IQSEC1: variants seen among roughly 807,000 people sequenced by gnomAD.
IQSEC1 encodes the protein IQ motif and Sec7 domain ArfGEF 1.
Under a neutral mutation model 91.0 loss-of-function variants are expected in IQSEC1, and 31 were observed. That is an observed-to-expected ratio of 0.34 (90% CI 0.26 to 0.46). The LOEUF (loss-of-function observed/expected upper bound fraction) is 0.46, where lower values mean the gene tolerates loss of function less well. IQSEC1 is among the 20% of genes least tolerant of loss of function. IQSEC1 has a pLI of 1.00. For missense variants in IQSEC1, 1,388 were observed against 1,575.6 expected, an observed-to-expected ratio of 0.88 and a Z score of 2.02; for synonymous variants, 699 against 662.6, an observed-to-expected ratio of 1.05 and a Z score of -0.84.
Position 12,935,788 on chromosome 3 carries a change from T to C in IQSEC1, c.1228A>G (p.Ser410Gly), listed in dbSNP as rs776342464. ...QQGSPKHGPHSGAPKSLPREE... is the reference protein window; with the variant it reads ...QQGSPKHGPHGGAPKSLPREE... ...CGGGGGAGGCTCTTGGGGGCGCCGCTGTGGGGACCATGCTTGGGACTGCCC... is the reference window on the plus strand; with the variant it reads ...CGGGGGAGGCTCTTGGGGGCGCCGCCGTGGGGACCATGCTTGGGACTGCCC... Residue 410 changes from serine (S) to glycine (G), a missense_variant, in exon 3 of 14, where the codon AGC becomes GGC. Coordinates refer to ENST00000613206, the MANE Select transcript of IQSEC1 (RefSeq NM_001134382.3). The surrounding 1 kb of genome is among the most constrained non-coding windows in gnomAD (Gnocchi z 8.0). 6.2e-7 allele frequency: 1 copy of C among 1,607,494 alleles called. No homozygotes were observed. Among genetic ancestry groups the C allele is most frequent in the Non-Finnish European group, 8.5e-7 (1 of 1,179,792 alleles).
At position 13,206,071 on chromosome 3, in the gene IQSEC1, A is replaced by G. The variant is rs553002558; in HGVS notation, c.273-41938T>C. 3.7e-4 allele frequency among the ~76,000 whole-genome samples: 50 copies of G among 135,284 alleles called. 1 individual carries two copies. Among genetic ancestry groups the G allele is most frequent in the African/African-American group, 1.3e-3 (47 of 34,870 alleles). The allele number at this position is 135,284 out of a possible 152,430, so 88.8% of individuals were successfully genotyped here. On this transcript the variant is annotated intron_variant, in intron 1 of 15. Transcript: ENST00000648114. The stretch of plus-strand genomic sequence containing the variant: ...CATCCATCACTCCTCCCACCCATCT[A>G]TCTCTCCATCCGGTCAACCATTCCT...
chr3:12,899,896 C>T lies in IQSEC1; in HGVS notation c.*1087G>A, dbSNP rs1694055492. ...GTCACTTTCATGTTGGAGATGAACACTTCTGCCGTGTATGGGTGCCCCTCT... is the reference window on the plus strand; with the variant it reads ...GTCACTTTCATGTTGGAGATGAACATTTCTGCCGTGTATGGGTGCCCCTCT... On this transcript the variant is annotated 3_prime_UTR_variant, in exon 14 of 14. Transcript: ENST00000613206. The T allele has an allele frequency of 1.0e-6, 1 of 985,100 alleles. No homozygotes were observed. Among genetic ancestry groups the T allele is most frequent in the Non-Finnish European group, 1.2e-6 (1 of 829,858 alleles). 61.0% of individuals were successfully genotyped at this position (985,100 alleles called of 1,614,324 possible).
At chr3:13,014,202 C>A (rs909281743) in intron 1 of IQSEC1, among the ~76,000 whole-genome samples, 2 of 152,222 alleles carry the variant, frequency 1.3e-5, no homozygotes, top group African/African-American at 4.8e-5. Flanking sequence ...CCTCCCCTAA[C>A]CAGCCTGAGG....
At chr3:13,019,679 A>C (rs1174337507) in intron 1 of IQSEC1, among the ~76,000 whole-genome samples, 1 of 152,066 alleles carries the variant, frequency 6.6e-6, no homozygotes, top group East Asian at 1.9e-4. Context: ...TCCCCAGTTA[A>C]CCACAGGGGC....
At chr3:13,220,179 G>A (rs752327155) in intron 1 of IQSEC1, among the ~76,000 whole-genome samples, 8 of 152,366 alleles carry the variant, frequency 5.3e-5, no homozygotes, top group East Asian at 1.9e-4. Flanking sequence ...TCCTGGGGCC[G>A]GCAGTGGCCG....
rs778434892 is a variant in IQSEC1, at chr3:13,022,366, C to T, written c.23+50626G>A. On this transcript the variant is annotated intron_variant, in intron 1 of 13. Transcript: ENST00000613206. ...GTCCTGTCTAGCTGCTCCAGACCCT[C>T]CTGGCCAAGCGGCCCTCACACACTA... The T allele has an allele frequency of 8.6e-6, 10 of 1,161,908 alleles. No homozygotes were observed. In the South Asian group the frequency reaches 3.1e-4, roughly 36 times the overall value. The allele number at this position is 1,161,908 out of a possible 1,614,324, so 72.0% of individuals were successfully genotyped here.
At chr3:13,038,657 A>T (rs1205783921) in intron 1 of IQSEC1, among the ~76,000 whole-genome samples, 1 of 152,100 alleles carries the variant, frequency 6.6e-6, no homozygotes, top group South Asian at 2.1e-4. Context: ...AAAGAGTATA[A>T]TTGGATTATT....
At chr3:12,910,722 GGC>G (rs1330871397) in intron 10 of IQSEC1, among the ~76,000 whole-genome samples, 1 of 152,244 alleles carries the variant, frequency 6.6e-6, no homozygotes, top group Non-Finnish European at 1.5e-5. Flanking sequence ...CCCAGATCCA[GGC>G]GCAAGGCCTG....
At chr3:13,011,816 G>T (rs191761349) in intron 1 of IQSEC1, among the ~76,000 whole-genome samples, 113 of 152,324 alleles carry the variant, frequency 7.4e-4, no homozygotes, top group Non-Finnish European at 4.4e-5. Context: ...TTCAACACAT[G>T]ATTGTTTTGA....
chr3:12,931,563 G>A (rs558560355), intron 3 of IQSEC1, among the ~76,000 whole-genome samples: 1 of 152,238 alleles, frequency 6.6e-6, no homozygotes, highest in African/African-American at 2.4e-5. Flanking sequence ...TTTTATCAAT[G>A]ACAGCAGACA....
At chr3:13,278,848 G>A (rs1003203323) in intron 1 of IQSEC1, among the ~76,000 whole-genome samples, 1 of 152,080 alleles carries the variant, frequency 6.6e-6, no homozygotes, top group Non-Finnish European at 1.5e-5. Flanking sequence ...GGGGGACAGG[G>A]AAGAGCAGGG....
intron 4 of IQSEC1, among the ~76,000 whole-genome samples, chr3:12,923,777 C>T (rs1696853452): frequency 6.6e-6 from 1 of 152,244 alleles, no homozygotes; most frequent in Non-Finnish European, 1.5e-5. Flanking sequence ...GGCACCTTCT[C>T]CCCAGCCCTC....
intron 1 of IQSEC1, among the ~76,000 whole-genome samples, chr3:13,264,942 GTGTCTC>G (rs1695462211): frequency 6.6e-6 from 1 of 151,636 alleles, no homozygotes; most frequent in Non-Finnish European, 1.5e-5. Flanking sequence ...CTGTCTCTCT[GTGTCTC>G]TCTGTCTGTC....
intron 1 of IQSEC1, among the ~76,000 whole-genome samples, chr3:13,011,857 T>C (rs983182380): frequency 6.6e-6 from 1 of 152,212 alleles, no homozygotes; most frequent in African/African-American, 2.4e-5. Context: ...ATCCCTGCCA[T>C]GGGTAACATC....
intron 2 of IQSEC1, among the ~76,000 whole-genome samples, chr3:13,090,924 A>C (rs913436431): frequency 6.6e-6 from 1 of 152,146 alleles, no homozygotes; most frequent in Non-Finnish European, 1.5e-5. Flanking sequence ...CCCTGTGCGG[A>C]ATTTGAACCC....
At chr3:12,907,140 G>A (rs1157017753) in intron 12 of IQSEC1, among the ~76,000 whole-genome samples, 7 of 152,222 alleles carry the variant, frequency 4.6e-5, no homozygotes, top group African/African-American at 1.4e-4. Flanking sequence ...CAATCAAGCC[G>A]AGGTTGAGAA....
At chr3:13,155,673 A>G (rs1000132901) in intron 2 of IQSEC1, among the ~76,000 whole-genome samples, 1 of 152,210 alleles carries the variant, frequency 6.6e-6, no homozygotes, top group Non-Finnish European at 1.5e-5. Context: ...ATTACAAGAA[A>G]ACAACACACT....
Position 12,899,369 on chromosome 3 carries a change from G to GA in IQSEC1, c.*1613_*1614insT. 6.2e-7 allele frequency: 1 copy of GA among 1,612,200 alleles called. No homozygotes were observed. The highest frequency in any genetic ancestry group is 8.5e-7 in the Non-Finnish European group (1 of 1,179,342). On this transcript the variant is annotated 3_prime_UTR_variant, in exon 14 of 14. Transcript: ENST00000613206. ...CCTCCGCCTGGGCAGGCGCCGGGGG[G>GA]CAGTCCTCGGGTCCCATGGCTTAGG... is the stretch of plus-strand genomic sequence containing the variant.
chr3:12,967,793 G>T lies in IQSEC1; in HGVS notation c.24-25928C>A. ...TGGGGGCGGGGCCGGAGGGCGAGCT[G>T]GGGGCGGGGCTGCGCGCGGGGGCGA... On this transcript the variant is annotated intron_variant, in intron 1 of 13. Transcript: ENST00000613206. This position sits in a 1 kb window ranked among gnomAD's most constrained non-coding sequence, Gnocchi z 5.9. 1 of 683,800 alleles carries T rather than the reference G, an allele frequency of 1.5e-6. No homozygotes were observed. The highest frequency in any genetic ancestry group is 1.8e-6 in the Non-Finnish European group (1 of 550,134). 42.4% of individuals were successfully genotyped at this position (683,800 alleles called of 1,614,324 possible).
Sources: gnomAD v4.1 joint callset for allele counts (sites outside exome capture counted in the v4.1 genomes callset) on GRCh38, gnomAD v4.1.1 for gene constraint, Gnocchi (gnomAD v3.1) non-coding constraint, MANE v1.5 for transcripts, NCBI Gene and HGNC (gene_info 2026-07-23, HGNC 2026-07-21) for gene names.